RSPO3: variants seen among roughly 807,000 people sequenced by gnomAD.
RSPO3 encodes the protein R-spondin 3, also known as R-spondin-3.
In RSPO3, 17 loss-of-function variants were observed where a neutral mutation model predicts 36.5. The ratio of observed to expected loss-of-function variants is 0.47; its 90% confidence interval spans 0.32 to 0.70. The LOEUF (loss-of-function observed/expected upper bound fraction) is 0.70, where lower values mean the gene tolerates loss of function less well. RSPO3 is among the 30% of genes least tolerant of loss of function. The probability of loss-of-function intolerance (pLI) is 0.04; values close to 1 mark genes in which losing one functional copy is unlikely to be tolerated. For synonymous variants in RSPO3, 108 were observed against 107.0 expected, an observed-to-expected ratio of 1.01 and a Z score of -0.06; for missense variants, 294 against 322.5, an observed-to-expected ratio of 0.91 and a Z score of 0.68.
intron 4 of RSPO3, among the ~76,000 whole-genome samples, chr6:127,179,719 C>T (rs1290128350): frequency 6.6e-6 from 1 of 151,862 alleles, no homozygotes; most frequent in Admixed American, 6.6e-5. Flanking sequence ...ATCAAGGCAT[C>T]AGTAAGGCTG....
intron 1 of RSPO3, among the ~76,000 whole-genome samples, chr6:127,147,574 C>G (rs1774412833): frequency 6.6e-6 from 1 of 152,046 alleles, no homozygotes; most frequent in South Asian, 2.1e-4. Context: ...TGAGAAACAT[C>G]CGTTAGTCAG....
At chr6:127,177,980 T>G (rs1775090302) in intron 4 of RSPO3, among the ~76,000 whole-genome samples, 1 of 151,686 alleles carries the variant, frequency 6.6e-6, no homozygotes, top group South Asian at 2.1e-4. Context: ...CAGTCCTTTT[T>G]TGAGTCATTC....
chr6:127,164,107 G>A (rs530626533), intron 4 of RSPO3, among the ~76,000 whole-genome samples: 1 of 151,938 alleles, frequency 6.6e-6, no homozygotes, highest in Admixed American at 6.6e-5. Flanking sequence ...TAGTGCTCTC[G>A]CTCTCTCTTT....
At chr6:127,126,473 ACTCT>A (rs1220897051) in intron 1 of RSPO3, among the ~76,000 whole-genome samples, 1 of 151,832 alleles carries the variant, frequency 6.6e-6, no homozygotes, top group African/African-American at 2.4e-5. Flanking sequence ...TTTTTATAAT[ACTCT>A]CTGTGTTACA....
At chr6:127,124,878 T>C (rs962642682) in intron 1 of RSPO3, among the ~76,000 whole-genome samples, 3 of 152,032 alleles carry the variant, frequency 2.0e-5, no homozygotes, top group Non-Finnish European at 2.9e-5. Context: ...TCAAAGACTG[T>C]GGGGGTGCTG....
intron 4 of RSPO3, among the ~76,000 whole-genome samples, chr6:127,155,670 C>G (rs1774581471): frequency 6.6e-6 from 1 of 151,912 alleles, no homozygotes; most frequent in South Asian, 2.1e-4. Flanking sequence ...TTATGATGAA[C>G]TAGGCTGTAT....
intron 3 of RSPO3, among the ~76,000 whole-genome samples, chr6:127,151,665 GAATAA>G (rs1295487173): frequency 2.0e-5 from 3 of 151,946 alleles, no homozygotes; most frequent in African/African-American, 2.4e-5. Context: ...GTTCTTGATA[GAATAA>G]AATAAATAGA....
Position 127,187,301 on chromosome 6 carries a change from G to C in RSPO3, c.635-8522G>C, listed in dbSNP as rs73771621. On this transcript the variant is annotated intron_variant, in intron 4 of 4. Coordinates refer to ENST00000356698, the MANE Select transcript of RSPO3 (RefSeq NM_032784.5). ...AATATTAGTGTTAGGACGCCCCACT[G>C]ACTAAATTTCTGAAGATAGGTAATA... Among the ~76,000 whole-genome samples the C allele has an allele frequency of 5.4e-3, 822 of 152,182 alleles. 6 individuals are homozygous for C. The highest frequency in any genetic ancestry group is 0.018 in the African/African-American group (751 of 41,528).
In RSPO3 at chr6:127,119,125, A is replaced by T. The variant is rs1031886534; in HGVS notation, c.-68A>T. 4.7e-5 allele frequency: 59 copies of T among 1,267,520 alleles called. No individual in the cohort carries two copies. Among genetic ancestry groups the T allele is most frequent in the Non-Finnish European group, 6.4e-5 (56 of 879,426 alleles). 78.5% of individuals were successfully genotyped at this position (1,267,520 alleles called of 1,614,324 possible). ...TACGCCTAACACCTACATATATTTT[A>T]AAAACATTAAATATAATTAACAATC... On this transcript the variant is annotated 5_prime_UTR_variant, in exon 1 of 5. Coordinates refer to ENST00000356698, the MANE Select transcript of RSPO3 (RefSeq NM_032784.5).
At chr6:127,135,926 C>CAAAAAAAAAA (rs5879836) in intron 1 of RSPO3, among the ~76,000 whole-genome samples, 1 of 115,020 alleles carries the variant, frequency 8.7e-6, no homozygotes, top group Non-Finnish European at 1.8e-5. Context: ...GACCCTGCCT[C>CAAAAAAAAAA]AAAAAAAAAA....
intron 4 of RSPO3, among the ~76,000 whole-genome samples, chr6:127,191,140 C>T (rs1005239651): frequency 2.6e-5 from 4 of 151,978 alleles, no homozygotes; most frequent in East Asian, 3.9e-4. Context: ...GGTGCCTATT[C>T]CAAATTTATC....
rs907157745 is a variant in RSPO3, at chr6:127,196,247, A to C, written c.*240A>C. The C allele has an allele frequency of 1.0e-5, 3 of 296,708 alleles. No individual in the cohort carries two copies. The highest frequency in any genetic ancestry group is 6.2e-6 in the Non-Finnish European group (1 of 161,134). 18.4% of individuals were successfully genotyped at this position (296,708 alleles called of 1,614,324 possible). On this transcript the variant is annotated 3_prime_UTR_variant, in exon 5 of 5. Transcript: ENST00000356698. ...TGCTTCTCTGCATTTTTAAAAGACA[A>C]GACATTCTTGTACATATTATCAATA...
intron 1 of RSPO3, among the ~76,000 whole-genome samples, chr6:127,131,319 T>A (rs1201510046): frequency 1.3e-5 from 2 of 152,078 alleles, no homozygotes; most frequent in Non-Finnish European, 2.9e-5. Context: ...ATAACTACCA[T>A]CTTCAGTATC....
At position 127,133,908 on chromosome 6, in the gene RSPO3, TAAGGA is replaced by T. The variant is rs201598992; in HGVS notation, c.97+14623_97+14627del. Among the ~76,000 whole-genome samples the T allele has an allele frequency of 6.3e-3, 963 of 152,278 alleles. 6 individuals are homozygous for T. Among genetic ancestry groups the T allele is most frequent in the Non-Finnish European group, 8.6e-3 (583 of 68,002 alleles). On this transcript the variant is annotated intron_variant, in intron 1 of 4. Coordinates refer to ENST00000356698, the MANE Select transcript of RSPO3 (RefSeq NM_032784.5). ...TACCCTTGTAGTATTTCACAGTGGT[TAAGGA>T]AAGAAAATATTAATTCAGATTTTAA...
intron 4 of RSPO3, among the ~76,000 whole-genome samples, chr6:127,187,103 A>G (rs1775309966): frequency 2.0e-5 from 3 of 152,202 alleles, no homozygotes; most frequent in Admixed American, 2.0e-4. Flanking sequence ...AGGGGGCGCC[A>G]GCGGGCATGG....
chr6:127,153,883 A>G (rs1268875177), intron 3 of RSPO3, among the ~76,000 whole-genome samples: 1 of 152,132 alleles, frequency 6.6e-6, no homozygotes, highest in Non-Finnish European at 1.5e-5. Flanking sequence ...GATAATATCC[A>G]TAACCAGCAA....
In RSPO3 at chr6:127,143,858, T is replaced by C. The variant is rs536985496; in HGVS notation, c.98-4790T>C. 1.9e-4 allele frequency among the ~76,000 whole-genome samples: 29 copies of C among 152,332 alleles called. 1 individual carries two copies. Among genetic ancestry groups the C allele is most frequent in the African/African-American group, 5.5e-4 (23 of 41,576 alleles). On this transcript the variant is annotated intron_variant, in intron 1 of 4. Coordinates refer to ENST00000356698, the MANE Select transcript of RSPO3 (RefSeq NM_032784.5). ...TGTATTAGTTGATACATCATAAACA[T>C]TGAAAACAAGTAGCCAAAGGTTGTA...
At chr6:127,180,715 G>GT (rs1184374891) in intron 4 of RSPO3, among the ~76,000 whole-genome samples, 1 of 151,714 alleles carries the variant, frequency 6.6e-6, no homozygotes, top group African/African-American at 2.4e-5. Flanking sequence ...GATTAAGGCT[G>GT]TTCTATTATT....
intron 1 of RSPO3, among the ~76,000 whole-genome samples, chr6:127,132,519 CA>C (rs1774077863): frequency 6.6e-6 from 1 of 151,802 alleles, no homozygotes; most frequent in South Asian, 2.1e-4. Flanking sequence ...AAGGTGGGGG[CA>C]ATTACAAATC....
Sources: allele counts gnomAD v4.1 joint callset (sites outside exome capture counted in the v4.1 genomes callset), GRCh38; gene constraint gnomAD v4.1.1; transcripts MANE v1.5; gene names NCBI Gene and HGNC (gene_info 2026-07-23, HGNC 2026-07-21).